Variants in RNF128 observed in about 807,000 individuals in gnomAD.
The protein encoded by RNF128 is ring finger protein 128.
Under a neutral mutation model 26.2 loss-of-function variants are expected in RNF128, and 13 were observed. The observed-to-expected ratio is 0.50, with a 90% confidence interval of 0.32 to 0.79. The LOEUF is 0.79. Among genes scored for constraint, RNF128 ranks in the 30% least tolerant of loss-of-function variants. RNF128 has a pLI of 0.03. For missense variants in RNF128, 315 were observed against 349.7 expected (o/e 0.90, Z 0.79); for synonymous variants, 149 against 142.5 (o/e 1.05, Z -0.32).
intron 1 of RNF128, among the ~76,000 whole-genome samples, chrX:106,713,717 A>G (rs1929167380): frequency 1.8e-5 from 2 of 111,817 alleles, no homozygotes. Flanking sequence ...CCTATTGGCT[A>G]CCATATTGAA....
intron 3 of RNF128, among the ~76,000 whole-genome samples, chrX:106,786,483 A>G (rs1194497808): frequency 1.8e-5 from 2 of 111,615 alleles, no homozygotes; most frequent in Admixed American, 9.6e-5. Flanking sequence ...TTAACATAAA[A>G]CCTAGAACTA....
chrX:106,791,051 A>G lies in RNF128; in HGVS notation c.985-15A>G. On this transcript the variant is annotated splice_polypyrimidine_tract_variant and intron_variant, in intron 5 of 6. Transcript: ENST00000255499. ...TACACTGAGAGGCTTTTAATTTGTT[A>G]CATGTTCTTTAAAGGTGGATGTTGA... is the stretch of plus-strand genomic sequence containing the variant. The G allele has an allele frequency of 8.3e-7, 1 of 1,198,960 alleles. No homozygotes were observed. Among genetic ancestry groups the G allele is most frequent in the Non-Finnish European group, 1.1e-6 (1 of 886,893 alleles).
At chrX:106,792,316 T>TA (rs2147705448) in intron 6 of RNF128, among the ~76,000 whole-genome samples, 1 of 80,547 alleles carries the variant, frequency 1.2e-5, no homozygotes, top group South Asian at 6.2e-4. Flanking sequence ...GCTAGTCTTT[T>TA]AAAAAACAAC....
intron 1 of RNF128, among the ~76,000 whole-genome samples, chrX:106,736,691 G>A (rs1439557533): frequency 1.8e-5 from 2 of 111,826 alleles, no homozygotes; most frequent in African/African-American, 3.2e-5. Context: ...TAAATTTGAT[G>A]TGCCTTTGTT....
chrX:106,705,037 T>C (rs1929023013), intron 1 of RNF128, among the ~76,000 whole-genome samples: 1 of 111,854 alleles, frequency 8.9e-6, no homozygotes, highest in South Asian at 3.7e-4. Flanking sequence ...CAAGGGTTTG[T>C]TCCTAGAGCT....
At chrX:106,771,655 G>A (rs184896518) in intron 1 of RNF128, among the ~76,000 whole-genome samples, 6 of 112,748 alleles carry the variant, frequency 5.3e-5, no homozygotes, top group Non-Finnish European at 1.1e-4. Flanking sequence ...GGTCTGTCAC[G>A]GCTTCCCTTT....
chrX:106,726,616 G>C (rs1174114005), upstream of RNF128: 1 of 917,087 alleles, frequency 1.1e-6, no homozygotes, highest in Non-Finnish European at 1.3e-6. Context: ...ATCCCGCAGT[G>C]TCCTTTCCTC....
At chrX:106,769,156 T>C (rs767877278) in intron 1 of RNF128, among the ~76,000 whole-genome samples, 32 of 111,842 alleles carry the variant, frequency 2.9e-4, no homozygotes, top group Non-Finnish European at 5.1e-4. Flanking sequence ...TTTTGGAATA[T>C]GTGTTATGTG....
chrX:106,708,160 T>C (rs1929073668), intron 1 of RNF128, among the ~76,000 whole-genome samples: 1 of 112,136 alleles, frequency 8.9e-6, no homozygotes, highest in African/African-American at 3.2e-5. Context: ...GACACCATGC[T>C]GACTCTTAAC....
rs1929403968 is a variant in RNF128 at position 106,726,754 on chromosome X, T to G, written c.-160T>G. 9.4e-7 allele frequency: 1 copy of G among 1,062,206 alleles called. No homozygotes were observed. Among genetic ancestry groups the G allele is most frequent in the South Asian group, 2.5e-5 (1 of 40,513 alleles). The allele number at this position is 1,062,206 out of a possible 1,213,427, so 87.5% of individuals were successfully genotyped here. A position where few individuals can be genotyped will look rare whatever the true frequency, so the allele number is the denominator to read the frequency against. Reference sequence around the variant, plus strand: ...GGAGCTGCATCTGCGGCAACCTGTGTGCTGACGCTACGTGCCTCCTGGCTC... The same window carrying G: ...GGAGCTGCATCTGCGGCAACCTGTGGGCTGACGCTACGTGCCTCCTGGCTC... On this transcript the variant is annotated 5_prime_UTR_variant, in exon 1 of 7. Transcript: ENST00000255499.
rs1429264868 is a variant in RNF128 at position 106,791,094 on chromosome X, T to C, written c.1013T>C (p.Leu338Ser). Residue 338 changes from leucine to serine, a missense_variant, in exon 6 of 7, where the codon TTA becomes TCA. Leu to Ser is a moderately radical substitution (Grantham distance 145, BLOSUM62 -2). Coordinates refer to ENST00000255499, the MANE Select transcript of RNF128 (RefSeq NM_194463.2). ...GATGTTGAAGATGGATCAGTGTCTT[T>C]ACAAGTCCCTGTATCCAATGAAATA... ...EVDVEDGSVS[L>S]QVPVSNEISN... 8.3e-7 allele frequency: 1 copy of C among 1,208,010 alleles called. No individual in the cohort carries two copies. Among genetic ancestry groups the C allele is most frequent in the Admixed American group, 2.2e-5 (1 of 45,791 alleles).
chrX:106,792,857 C>T (rs1930851774), intron 6 of RNF128, among the ~76,000 whole-genome samples: 1 of 111,704 alleles, frequency 9.0e-6, no homozygotes, highest in South Asian at 3.7e-4. Context: ...GCACCCAGCA[C>T]ATAGTAGATA....
At chrX:106,729,509 C>A (rs191037075) in intron 1 of RNF128, among the ~76,000 whole-genome samples, 142 of 111,220 alleles carry the variant, frequency 1.3e-3, no homozygotes, top group African/African-American at 4.3e-3. Context: ...TATGATTGTG[C>A]AACTGTCGAT....
chrX:106,769,293 T>C (rs1389786068), intron 1 of RNF128, among the ~76,000 whole-genome samples: 1 of 111,230 alleles, frequency 9.0e-6, no homozygotes, highest in Non-Finnish European at 1.9e-5. Flanking sequence ...CTCGTTGATC[T>C]GTCTAATGTT....
upstream of RNF128, among the ~76,000 whole-genome samples, chrX:106,723,311 G>A (rs942715326): frequency 1.8e-5 from 2 of 111,571 alleles, no homozygotes; most frequent in African/African-American, 6.5e-5. Context: ...GCTCACGCCT[G>A]TAATCCCAGC....
At chrX:106,766,797 T>C (rs1462618194) in intron 1 of RNF128, among the ~76,000 whole-genome samples, 1 of 112,068 alleles carries the variant, frequency 8.9e-6, no homozygotes, top group Non-Finnish European at 1.9e-5. Flanking sequence ...CCCATGCCTA[T>C]GGCCTGAATG....
intron 5 of RNF128, 77 bp from the exon 6 acceptor site, chrX:106,790,988 TA>T: frequency 1.1e-6 from 1 of 928,389 alleles, no homozygotes; most frequent in Admixed American, 2.6e-5. Flanking sequence ...GAGTCACCTA[TA>T]AAGAAACTTT....
At chrX:106,709,110 GC>G (rs771156194) in intron 1 of RNF128, among the ~76,000 whole-genome samples, 10 of 111,433 alleles carry the variant, frequency 9.0e-5, no homozygotes, top group African/African-American at 3.3e-4. Flanking sequence ...TATAGAACTT[GC>G]CTACTTCAAG....
At chrX:106,695,384 A>G (rs1928859838) in intron 1 of RNF128, among the ~76,000 whole-genome samples, 1 of 112,281 alleles carries the variant, frequency 8.9e-6, no homozygotes, top group African/African-American at 3.2e-5. Context: ...AGAAAATCAA[A>G]CTTATGTTAA....
Sources: gnomAD v4.1 joint callset for allele counts (sites outside exome capture counted in the v4.1 genomes callset) on GRCh38, gnomAD v4.1.1 for gene constraint, MANE v1.5 for transcripts, NCBI Gene and HGNC (gene_info 2026-07-23, HGNC 2026-07-21) for gene names.